SLC15A5: variants seen among roughly 807,000 people sequenced by gnomAD.
SLC15A5 encodes Peptide/histidine transporter ENSP00000340402.
A neutral mutation model predicts 56.1 loss-of-function variants in SLC15A5; 58 were observed. The observed-to-expected ratio is 1.03, with a 90% CI of 0.84 to 1.29. SLC15A5 has a LOEUF of 1.29. Among genes scored for constraint, SLC15A5 ranks in the 50% most tolerant of loss-of-function variants. The pLI, the probability that SLC15A5 is intolerant of heterozygous loss-of-function variation, is 0.00. For missense variants in SLC15A5, 681 were observed against 672.1 expected (o/e 1.01, Z -0.15); for synonymous variants, 264 against 250.5 (o/e 1.05, Z -0.51).
At chr12:16,232,823 C>T (rs928297639) in intron 5 of SLC15A5, among the ~76,000 whole-genome samples, 4 of 151,654 alleles carry the variant, frequency 2.6e-5, no homozygotes, top group African/African-American at 7.3e-5. Context: ...GGCTGAGGCA[C>T]AAGAATTGCT....
At position 16,235,057 on chromosome 12, in the gene SLC15A5, T is replaced by C. The variant is rs1385370249; in HGVS notation, c.1162+4624A>G. 1.3e-5 allele frequency among the ~76,000 whole-genome samples: 2 copies of C among 152,140 alleles called. No individual in the cohort carries two copies. The highest frequency in any genetic ancestry group is 4.1e-4 in the South Asian group (2 of 4,824). On this transcript the variant is annotated intron_variant, in intron 5 of 8. Transcript: ENST00000344941. The surrounding 1 kb of genome is among the most constrained non-coding windows in gnomAD (Gnocchi z 4.1). ...ATAGGAAATTTGCTCAGTGTTAATA[T>C]ATCATTCAGTGTTCATGAACTACTC...
intron 2 of SLC15A5, among the ~76,000 whole-genome samples, chr12:16,258,984 CTTTTTCTTTTTTTT>C (rs1203258588): frequency 6.8e-5 from 4 of 59,206 alleles, no homozygotes; most frequent in African/African-American, 2.2e-4. Flanking sequence ...GCCACATCTT[CTTTTTCTTTTTTTT>C]TTTTTCTTTT....
chr12:16,231,030 C>G (rs961930916), intron 5 of SLC15A5, among the ~76,000 whole-genome samples: 6 of 152,128 alleles, frequency 3.9e-5, no homozygotes, highest in Non-Finnish European at 8.8e-5. Context: ...CAGTATGATT[C>G]TTATTAGTTA....
chr12:16,247,876 A>G (rs1217405288), intron 3 of SLC15A5, among the ~76,000 whole-genome samples: 1 of 152,132 alleles, frequency 6.6e-6, no homozygotes, highest in African/African-American at 2.4e-5. Flanking sequence ...TATATTTTAA[A>G]ATAGTTACCC....
chr12:16,259,898 G>GGA (rs1555173550), intron 2 of SLC15A5, among the ~76,000 whole-genome samples: 21 of 47,336 alleles, frequency 4.4e-4, no homozygotes, highest in African/African-American at 1.1e-3. Flanking sequence ...GACACCACCC[G>GGA]GGCGGGGGGT....
intron 6 of SLC15A5, 87 bp from the exon 7 acceptor site, chr12:16,217,111 C>G: frequency 7.3e-7 from 1 of 1,361,090 alleles, no homozygotes; most frequent in Admixed American, 3.2e-5. Flanking sequence ...GATCATGTAT[C>G]AAAGAAAATT....
intron 2 of SLC15A5, among the ~76,000 whole-genome samples, chr12:16,265,722 A>G (rs1408804813): frequency 6.6e-6 from 1 of 152,122 alleles, no homozygotes; most frequent in Non-Finnish European, 1.5e-5. Context: ...AGCTCAAGCA[A>G]TCCACCCGCT....
At chr12:16,194,573 C>G (rs1042078389) in intron 7 of SLC15A5, 120 bp from the exon 8 acceptor site, 1 of 583,618 alleles carries the variant, frequency 1.7e-6, no homozygotes, top group Non-Finnish European at 2.8e-6. Flanking sequence ...AGCAAAAAAG[C>G]TCATCTGAAA....
chr12:16,224,786 G>T (rs1045711218), intron 5 of SLC15A5, among the ~76,000 whole-genome samples, 184 bp from the exon 6 acceptor site: 2 of 151,470 alleles, frequency 1.3e-5, no homozygotes, highest in African/African-American at 2.4e-5. Flanking sequence ...GTGCAGGTTT[G>T]TTACATATGT....
intron 7 of SLC15A5, among the ~76,000 whole-genome samples, chr12:16,202,721 G>A (rs574728093): frequency 3.9e-5 from 6 of 152,182 alleles, no homozygotes; most frequent in South Asian, 4.1e-4. Context: ...ACTAAAGTGC[G>A]CATCAATTGA....
At chr12:16,232,205 A>G (rs1423827005) in intron 5 of SLC15A5, among the ~76,000 whole-genome samples, 4 of 152,228 alleles carry the variant, frequency 2.6e-5, no homozygotes, top group Non-Finnish European at 5.9e-5. Context: ...AATCTTAGAA[A>G]CCAAATATGA....
intron 8 of SLC15A5, among the ~76,000 whole-genome samples, chr12:16,193,869 A>T (rs1047153005): frequency 7.0e-6 from 1 of 143,502 alleles, no homozygotes; most frequent in Non-Finnish European, 1.5e-5. Flanking sequence ...GGGTGGATGG[A>T]TGGTAGCTGG....
At chr12:16,252,616 A>C (rs1330142401) in intron 3 of SLC15A5, among the ~76,000 whole-genome samples, 1 of 152,098 alleles carries the variant, frequency 6.6e-6, no homozygotes, top group East Asian at 1.9e-4. Flanking sequence ...AGACTTGTAT[A>C]ATGGAAACTA....
intron 6 of SLC15A5, among the ~76,000 whole-genome samples, chr12:16,218,999 A>C (rs1222919507): frequency 6.6e-6 from 1 of 152,138 alleles, no homozygotes; most frequent in Non-Finnish European, 1.5e-5. Context: ...TGTGTCCTGC[A>C]CATGTCTTGA....
In SLC15A5 at chr12:16,189,693, A is replaced by G. The variant is rs879720039; in HGVS notation, c.1715T>C (p.Ile572Thr). ...TCATAGGGCTGTCTCCCAAAGATCA[A>G]TACTTGAAGAAAATTCCTGTATACT... ...YGSIQEFSSS[I>T]DLWETAL The change falls in exon 9 of 9, where the codon ATT (isoleucine) becomes ACT (threonine). Residue 572 changes from isoleucine (I) to threonine (T), a missense_variant. By Grantham distance (89) the Ile-to-Thr change is moderately conservative. Coordinates refer to ENST00000344941, the MANE Select transcript of SLC15A5 (RefSeq NM_001170798.1). 13 of 1,524,754 alleles carry G rather than the reference A, an allele frequency of 8.5e-6. No individual in the cohort carries two copies. Among genetic ancestry groups the G allele is most frequent in the South Asian group, 1.2e-5 (1 of 81,300 alleles). 94.5% of individuals were successfully genotyped at this position (1,524,754 alleles called of 1,614,324 possible). A position where few individuals can be genotyped will look rare whatever the true frequency, so the allele number is the denominator to read the frequency against.
Position 16,196,958 on chromosome 12 carries a change from A to G in SLC15A5, c.1484-2505T>C, listed in dbSNP as rs2136238423. On this transcript the variant is annotated intron_variant, in intron 7 of 8. Coordinates refer to ENST00000344941, the MANE Select transcript of SLC15A5 (RefSeq NM_001170798.1). The surrounding 1 kb of genome is among the most constrained non-coding windows in gnomAD (Gnocchi z 4.0). Reference sequence around the variant, plus strand: ...GATGCTGTGGAAAACAGAAATGACAAGTACTATGACTTGGTATTTGGGAGT... The same window carrying G: ...GATGCTGTGGAAAACAGAAATGACAGGTACTATGACTTGGTATTTGGGAGT... 6.6e-6 allele frequency among the ~76,000 whole-genome samples: 1 copy of G among 152,194 alleles called. No individual in the cohort carries two copies. The highest frequency in any genetic ancestry group is 2.1e-4 in the South Asian group (1 of 4,822).
chr12:16,234,984 G>A (rs1276886886), intron 5 of SLC15A5, among the ~76,000 whole-genome samples: 1 of 151,986 alleles, frequency 6.6e-6, no homozygotes, highest in African/African-American at 2.4e-5. Context: ...ATTCTATGGA[G>A]TCCTTGAGAA....
At chr12:16,191,306 T>C in intron 8 of SLC15A5, among the ~76,000 whole-genome samples, 1 of 152,068 alleles carries the variant, frequency 6.6e-6, no homozygotes, top group East Asian at 1.9e-4. Context: ...CAGACTAATA[T>C]GAACTTGGCT....
intron 8 of SLC15A5, among the ~76,000 whole-genome samples, chr12:16,190,399 G>C (rs907689708): frequency 1.3e-5 from 2 of 152,168 alleles, no homozygotes; most frequent in African/African-American, 4.8e-5. Flanking sequence ...GTAGTTGGCA[G>C]AGTTTGGATT....
Sources: allele counts gnomAD v4.1 joint callset (sites outside exome capture counted in the v4.1 genomes callset), GRCh38; gene constraint gnomAD v4.1.1; non-coding constraint Gnocchi (gnomAD v3.1); transcripts MANE v1.5; gene names NCBI Gene and HGNC (gene_info 2026-07-23, HGNC 2026-07-21).